The following ABI3BP variants were observed in gnomAD, a reference collection of about 807,000 sequenced individuals.
ABI3BP encodes ABI family member 3 binding protein.
In ABI3BP, 216 loss-of-function variants were observed where a neutral mutation model predicts 268.6. The observed-to-expected ratio is 0.80, with a 90% CI of 0.72 to 0.90. The LOEUF (loss-of-function observed/expected upper bound fraction) is 0.90, where lower values mean the gene tolerates loss of function less well. Among genes scored for constraint, ABI3BP ranks in the 40% least tolerant of loss-of-function variants. The pLI is 0.00. For synonymous variants in ABI3BP, 730 were observed against 730.0 expected (o/e 1.00, Z 0.00); for missense variants, 2,090 against 2,182.4 (o/e 0.96, Z 0.84).
intron 14 of ABI3BP, among the ~76,000 whole-genome samples, chr3:100,853,275 C>T (rs1388146213): frequency 6.6e-6 from 1 of 152,142 alleles, no homozygotes; most frequent in African/African-American, 2.4e-5. Flanking sequence ...TCTGAGAATG[C>T]ATCTATTATA....
At chr3:100,806,768 A>T (rs1044517894) in intron 50 of ABI3BP, among the ~76,000 whole-genome samples, 7 of 152,098 alleles carry the variant, frequency 4.6e-5, no homozygotes, top group Non-Finnish European at 7.4e-5. Flanking sequence ...AGAGAGTGGA[A>T]CTCACTGAGG....
rs1389475875 is a variant in ABI3BP, at chr3:100,823,493, G to A, written c.2768C>T (p.Pro923Leu). The A allele has an allele frequency of 2.6e-6, 4 of 1,534,830 alleles. No individual in the cohort carries two copies. The highest frequency in any genetic ancestry group is 2.6e-6 in the Non-Finnish European group (3 of 1,146,262). ...TGAGGCCTCAGGTCTAAGAGTGACAGGTTCTAGGACTGTAGCAGGAACTGA... is the reference window on the plus strand; with the variant it reads ...TGAGGCCTCAGGTCTAAGAGTGACAAGTTCTAGGACTGTAGCAGGAACTGA... ...TKPVPATVLE[P>L]VTLRPEASTT... The change falls in exon 37 of 68, where the codon CCT (proline) becomes CTT (leucine). Residue 923 changes from proline to leucine, a missense_variant. By Grantham distance (98) the Pro-to-Leu change is moderately conservative. Coordinates refer to ENST00000471714, the MANE Select transcript of ABI3BP (RefSeq NM_001375547.2).
chr3:100,991,673 C>T, intron 1 of ABI3BP, among the ~76,000 whole-genome samples: 1 of 152,114 alleles, frequency 6.6e-6, no homozygotes, highest in Non-Finnish European at 1.5e-5. Flanking sequence ...CTTGCCATTT[C>T]TTTTATCATT....
At chr3:100,837,749 C>T (rs114475895) in intron 26 of ABI3BP, among the ~76,000 whole-genome samples, 83 of 152,212 alleles carry the variant, frequency 5.5e-4, no homozygotes, top group African/African-American at 2.0e-3. Context: ...AGCAAGACTC[C>T]ATCTCTAAAT....
At chr3:100,901,527 A>C (rs1157915849) in intron 3 of ABI3BP, among the ~76,000 whole-genome samples, 1 of 152,106 alleles carries the variant, frequency 6.6e-6, no homozygotes, top group African/African-American at 2.4e-5. Context: ...ACTTTGGGAG[A>C]GCGAGGTGGG....
At chr3:100,828,236 A>G (rs575368304) in intron 34 of ABI3BP, among the ~76,000 whole-genome samples, 157 bp downstream of exon 34, 1 of 152,308 alleles carries the variant, frequency 6.6e-6, no homozygotes, top group East Asian at 1.9e-4. Context: ...ATCCCAAACT[A>G]GATTCAGATG....
chr3:100,926,738 T>C (rs1365144965), intron 1 of ABI3BP, among the ~76,000 whole-genome samples: 1 of 152,166 alleles, frequency 6.6e-6, no homozygotes, highest in East Asian at 1.9e-4. Context: ...TTTGGTTTAT[T>C]TTGGCTCTTC....
chr3:100,796,833 A>C lies in ABI3BP; in HGVS notation c.3758-365T>G, dbSNP rs573321482. On this transcript the variant is annotated intron_variant, in intron 51 of 67. Coordinates refer to ENST00000471714, the MANE Select transcript of ABI3BP (RefSeq NM_001375547.2). ...TAGCTGCTGTTTGATATTCATGCTTAAAGTCCACTAACAGCAACAAAAAAT... is the reference window on the plus strand; with the variant it reads ...TAGCTGCTGTTTGATATTCATGCTTCAAGTCCACTAACAGCAACAAAAAAT... Among the ~76,000 whole-genome samples the C allele has an allele frequency of 2.0e-5, 3 of 152,278 alleles. No individual in the cohort carries two copies. The South Asian group carries it at 6.2e-4, about 32-fold the overall frequency.
intron 2 of ABI3BP, among the ~76,000 whole-genome samples, chr3:100,904,342 T>G (rs2052122199): frequency 6.6e-6 from 1 of 152,148 alleles, no homozygotes; most frequent in African/African-American, 2.4e-5. Context: ...TTTGAACTTG[T>G]GTTTTGCAAG....
intron 25 of ABI3BP, 39 bp downstream of exon 25, chr3:100,838,363 T>C (rs1010781448): frequency 6.5e-7 from 1 of 1,529,600 alleles, no homozygotes; most frequent in Non-Finnish European, 8.8e-7. Flanking sequence ...ACACATTGTT[T>C]TCCTATTTAT....
intron 66 of ABI3BP, 71 bp from the exon 67 acceptor site, chr3:100,751,745 A>G (rs1401377601): frequency 2.1e-6 from 3 of 1,428,284 alleles, no homozygotes; most frequent in African/African-American, 2.9e-5. Context: ...TGAAATCATC[A>G]TTACTGTTTT....
chr3:100,880,671 A>G (rs997758184), intron 6 of ABI3BP, among the ~76,000 whole-genome samples: 4 of 152,136 alleles, frequency 2.6e-5, no homozygotes, highest in African/African-American at 9.7e-5. Context: ...CATGGCTAGG[A>G]AAGCATATGC....
chr3:100,926,153 A>G (rs755829925), intron 2 of ABI3BP, 149 bp downstream of exon 2: 15 of 798,346 alleles, frequency 1.9e-5, no homozygotes, highest in Non-Finnish European at 2.5e-5. Flanking sequence ...TATGAGTTAC[A>G]ACAATTATGA....
intron 63 of ABI3BP, among the ~76,000 whole-genome samples, chr3:100,762,890 C>G (rs1054125583): frequency 2.0e-5 from 3 of 152,150 alleles, no homozygotes; most frequent in Non-Finnish European, 4.4e-5. Context: ...CAAAAATGTT[C>G]TTTACTTCAG....
chr3:100,919,533 A>G (rs2059626908), intron 2 of ABI3BP, among the ~76,000 whole-genome samples: 1 of 152,218 alleles, frequency 6.6e-6, no homozygotes, highest in South Asian at 2.1e-4. Context: ...TTATAAGCAT[A>G]CAATTTATAC....
At chr3:100,967,524 A>G (rs1055951983) in intron 1 of ABI3BP, among the ~76,000 whole-genome samples, 1 of 150,542 alleles carries the variant, frequency 6.6e-6, no homozygotes, top group Non-Finnish European at 1.5e-5. Flanking sequence ...AAAAAAAGAA[A>G]TATTATTAGA....
At chr3:100,816,028 C>A in intron 43 of ABI3BP, 57 bp from the exon 44 acceptor site, 5 of 1,268,414 alleles carry the variant, frequency 3.9e-6, no homozygotes, top group Non-Finnish European at 5.3e-6. Flanking sequence ...TAAAAAAAAT[C>A]CTCAATTTTT....
intron 10 of ABI3BP, 53 bp downstream of exon 10, chr3:100,866,826 G>T: frequency 1.3e-6 from 2 of 1,506,924 alleles, no homozygotes; most frequent in South Asian, 1.2e-5. Flanking sequence ...ATTAGTATTT[G>T]AAAAAAAGCA....
At chr3:100,799,079 T>C (rs1283231943) in intron 51 of ABI3BP, among the ~76,000 whole-genome samples, 1 of 152,096 alleles carries the variant, frequency 6.6e-6, no homozygotes, top group Non-Finnish European at 1.5e-5. Flanking sequence ...CCATGTTACT[T>C]CCCCTCTACC....
Sources: gnomAD v4.1 joint callset for allele counts (sites outside exome capture counted in the v4.1 genomes callset) on GRCh38, gnomAD v4.1.1 for gene constraint, MANE v1.5 for transcripts, NCBI Gene and HGNC (gene_info 2026-07-23, HGNC 2026-07-21) for gene names.